Variants in PTPRR observed in about 807,000 individuals in gnomAD.
The protein encoded by PTPRR is protein tyrosine phosphatase receptor type R.
PTPRR carries 38 observed loss-of-function variants against 77.2 expected under a neutral mutation model. The ratio of observed to expected loss-of-function variants is 0.49; its 90% confidence interval spans 0.38 to 0.65. PTPRR has a LOEUF of 0.65. Among genes scored for constraint, PTPRR ranks in the 30% least tolerant of loss-of-function variants. The pLI, the probability that PTPRR is intolerant of heterozygous loss-of-function variation, is 0.00. For synonymous variants in PTPRR, 299 were observed against 283.1 expected (o/e 1.06, Z -0.57); for missense variants, 744 against 799.2 (o/e 0.93, Z 0.83).
intron 1 of PTPRR, among the ~76,000 whole-genome samples, chr12:70,914,010 G>A (rs1372391168): frequency 6.6e-6 from 1 of 152,070 alleles, no homozygotes; most frequent in African/African-American, 2.4e-5. Context: ...GGAATATACA[G>A]GATTGAAAAG....
At chr12:70,689,269 A>G (rs1037686510) in intron 8 of PTPRR, among the ~76,000 whole-genome samples, 1 of 152,168 alleles carries the variant, frequency 6.6e-6, no homozygotes, top group Non-Finnish European at 1.5e-5. Flanking sequence ...GTATACATGT[A>G]TCAAAACATC....
intron 2 of PTPRR, among the ~76,000 whole-genome samples, chr12:70,807,750 T>G (rs559929321): frequency 8.5e-5 from 13 of 152,208 alleles, no homozygotes; most frequent in Non-Finnish European, 1.9e-4. Context: ...CCCCAATCAA[T>G]ACTCTTGTGA....
intron 2 of PTPRR, among the ~76,000 whole-genome samples, chr12:70,849,939 C>T (rs972516315): frequency 6.6e-6 from 1 of 152,108 alleles, no homozygotes; most frequent in Non-Finnish European, 1.5e-5. Context: ...ATCCAATTGC[C>T]TAAACTATAA....
At chr12:70,881,438 C>T (rs2137104581) in intron 2 of PTPRR, among the ~76,000 whole-genome samples, 1 of 152,298 alleles carries the variant, frequency 6.6e-6, no homozygotes, top group Admixed American at 6.5e-5. Context: ...CACACATACA[C>T]ACACCTCTTC....
chr12:70,807,913 G>T (rs7315237), intron 2 of PTPRR, among the ~76,000 whole-genome samples: 2,361 of 152,202 alleles, frequency 0.016, 64 homozygotes, highest in African/African-American at 0.054. Context: ...GGATAACAGC[G>T]ATTTTCAGGG....
At chr12:70,642,180 C>T (rs1222589660) in intron 13 of PTPRR, among the ~76,000 whole-genome samples, 1 of 151,896 alleles carries the variant, frequency 6.6e-6, no homozygotes, top group African/African-American at 2.4e-5. Context: ...GTGCCTGGTT[C>T]TCGGTAGTAT....
chr12:70,790,229 T>C (rs1171660022), intron 2 of PTPRR, among the ~76,000 whole-genome samples: 1 of 152,196 alleles, frequency 6.6e-6, no homozygotes, highest in African/African-American at 2.4e-5. Flanking sequence ...GTTGCCCATA[T>C]TTATTGTTTC....
intron 2 of PTPRR, among the ~76,000 whole-genome samples, chr12:70,839,785 TCTC>T (rs1410530864): frequency 1.3e-5 from 2 of 152,200 alleles, no homozygotes. Context: ...GCTTCGCTTC[TCTC>T]CTCCTGTGGA....
Position 70,712,758 on chromosome 12 carries a change from C to T in PTPRR, c.1008-11435G>A, listed in dbSNP as rs559160199. Among the ~76,000 whole-genome samples, 3 of 151,938 alleles carry T rather than the reference C, an allele frequency of 2.0e-5. No homozygotes were observed. The South Asian group carries it at 6.2e-4, about 32-fold the overall frequency. On this transcript the variant is annotated intron_variant, in intron 6 of 13. Transcript: ENST00000283228. ...AATAAAAATGTTCTAAATTAGCATGCTTTAACCAAATCAAACAAAATGAAA... is the reference window on the plus strand; with the variant it reads ...AATAAAAATGTTCTAAATTAGCATGTTTTAACCAAATCAAACAAAATGAAA...
chr12:70,792,364 C>T (rs1360250370), intron 2 of PTPRR, among the ~76,000 whole-genome samples: 1 of 152,102 alleles, frequency 6.6e-6, no homozygotes, highest in Non-Finnish European at 1.5e-5. Flanking sequence ...CTTCTTACCC[C>T]ATATTTAATT....
intron 12 of PTPRR, among the ~76,000 whole-genome samples, chr12:70,657,067 G>C (rs1490063020): frequency 6.6e-6 from 1 of 151,892 alleles, no homozygotes; most frequent in Non-Finnish European, 1.5e-5. Context: ...AATTGTTCTA[G>C]AAAAAATAAA....
intron 2 of PTPRR, among the ~76,000 whole-genome samples, chr12:70,800,260 T>C (rs944935127): frequency 5.3e-5 from 8 of 150,458 alleles, no homozygotes; most frequent in African/African-American, 1.9e-4. Flanking sequence ...AGACATACTG[T>C]TCTCTCTCTT....
At chr12:70,847,571 T>G (rs1285461928) in intron 2 of PTPRR, among the ~76,000 whole-genome samples, 3 of 152,160 alleles carry the variant, frequency 2.0e-5, no homozygotes, top group Non-Finnish European at 4.4e-5. Context: ...TTGGAAAGAC[T>G]GGGTGAGCCA....
At chr12:70,830,318 T>G (rs1892189877) in intron 2 of PTPRR, among the ~76,000 whole-genome samples, 1 of 152,208 alleles carries the variant, frequency 6.6e-6, no homozygotes, top group Non-Finnish European at 1.5e-5. Context: ...ACGCACTCCA[T>G]GTCCACAGGG....
chr12:70,704,310 C>G (rs972156818), intron 6 of PTPRR, among the ~76,000 whole-genome samples: 2 of 151,876 alleles, frequency 1.3e-5, no homozygotes, highest in East Asian at 3.9e-4. Context: ...CTCAGCTATT[C>G]GGGAGGATGA....
chr12:70,812,721 T>C (rs751417405), intron 2 of PTPRR, among the ~76,000 whole-genome samples: 2 of 152,202 alleles, frequency 1.3e-5, no homozygotes, highest in Non-Finnish European at 2.9e-5. Flanking sequence ...AAGGATATCA[T>C]CTTAGAGGTA....
chr12:70,786,958 T>A (rs1484682872), intron 2 of PTPRR, among the ~76,000 whole-genome samples: 1 of 152,206 alleles, frequency 6.6e-6, no homozygotes, highest in Non-Finnish European at 1.5e-5. Context: ...TTTTAGCTAG[T>A]GTTTTTGTGG....
At chr12:70,786,910 G>A (rs971648281) in intron 2 of PTPRR, among the ~76,000 whole-genome samples, 1 of 152,078 alleles carries the variant, frequency 6.6e-6, no homozygotes, top group Non-Finnish European at 1.5e-5. Context: ...ATAATTTTCT[G>A]CATGGTTAAA....
rs777634600 is a variant in PTPRR, at chr12:70,761,671, A to G, written c.472-45T>C. 17 of 1,406,398 alleles carry G rather than the reference A, an allele frequency of 1.2e-5. No homozygotes were observed. In the South Asian group the frequency reaches 2.6e-4, roughly 22 times the overall value. 87.1% of individuals were successfully genotyped at this position (1,406,398 alleles called of 1,614,324 possible). A position where few individuals can be genotyped will look rare whatever the true frequency, so the allele number is the denominator to read the frequency against. Reference sequence around the variant, plus strand: ...TGTATTTGTTATAGACATTTTAAACAACTTTGGATAATATTTTTACCTGTC... The same window carrying G: ...TGTATTTGTTATAGACATTTTAAACGACTTTGGATAATATTTTTACCTGTC... On this transcript the variant is annotated intron_variant, in intron 3 of 13. Coordinates refer to ENST00000283228, the MANE Select transcript of PTPRR (RefSeq NM_002849.4).
Sources: allele counts gnomAD v4.1 joint callset (sites outside exome capture counted in the v4.1 genomes callset), GRCh38; gene constraint gnomAD v4.1.1; transcripts MANE v1.5; gene names NCBI Gene and HGNC (gene_info 2026-07-23, HGNC 2026-07-21).